The following POU6F2 variants were observed in gnomAD, a reference collection of about 807,000 sequenced individuals.
The protein encoded by POU6F2 is POU class 6 homeobox 2.
Under a neutral mutation model 71.3 loss-of-function variants are expected in POU6F2, and 31 were observed. That is an observed-to-expected ratio of 0.43 (90% CI 0.33 to 0.59). The LOEUF (loss-of-function observed/expected upper bound fraction) is 0.59. Among genes scored for constraint, POU6F2 ranks in the 20% least tolerant of loss-of-function variants. The pLI is 0.04. For missense variants in POU6F2, 783 were observed against 856.8 expected, an observed-to-expected ratio of 0.91 and a Z score of 1.07; for synonymous variants, 347 against 355.7, an observed-to-expected ratio of 0.98 and a Z score of 0.27.
chr7:39,439,616 A>G (rs895513766), intron 7 of POU6F2, among the ~76,000 whole-genome samples: 2 of 152,056 alleles, frequency 1.3e-5, no homozygotes, highest in African/African-American at 4.8e-5. Context: ...CAGCCTCCCG[A>G]GTAGCTGGGA....
chr7:38,988,930 C>T (rs967496467), intron 1 of POU6F2, among the ~76,000 whole-genome samples: 6 of 152,244 alleles, frequency 3.9e-5, no homozygotes, highest in Non-Finnish European at 8.8e-5. Flanking sequence ...TTTACTCCCT[C>T]CCTGACTTCC....
intron 4 of POU6F2, among the ~76,000 whole-genome samples, chr7:39,297,121 A>C (rs1297191385): frequency 3.3e-5 from 5 of 151,380 alleles, no homozygotes; most frequent in African/African-American, 9.7e-5. Flanking sequence ...TCTAATAATA[A>C]TGCTTTTTAA....
rs142571078 is a variant in POU6F2, at chr7:39,267,452, G to A, written c.598+59832G>A. 3.1e-3 allele frequency among the ~76,000 whole-genome samples: 465 copies of A among 152,292 alleles called. 9 individuals carry two copies. Among genetic ancestry groups the A allele is most frequent in the South Asian group, 0.015 (73 of 4,832 alleles). On this transcript the variant is annotated intron_variant, in intron 4 of 9. Transcript: ENST00000518318. ...CCAGGCCCTAGGGAGGCAGCAGGGA[G>A]CCCCGCATCTGTTGCCTGTCACTGA...
At chr7:39,189,189 G>T (rs555938525) in intron 2 of POU6F2, among the ~76,000 whole-genome samples, 1 of 152,244 alleles carries the variant, frequency 6.6e-6, no homozygotes, top group South Asian at 2.1e-4. Flanking sequence ...CACAACATCA[G>T]ACAAGGCCAC....
chr7:39,121,247 C>T (rs562774137), intron 2 of POU6F2, among the ~76,000 whole-genome samples: 8 of 152,306 alleles, frequency 5.3e-5, no homozygotes, highest in African/African-American at 1.2e-4. Context: ...TTAGAATCTC[C>T]GTTTCCTCAT....
intron 5 of POU6F2, among the ~76,000 whole-genome samples, chr7:39,355,578 G>C (rs1418338247): frequency 6.6e-6 from 1 of 152,164 alleles, no homozygotes; most frequent in South Asian, 2.1e-4. Context: ...AGGTATATCA[G>C]TATCCCAACA....
chr7:39,041,353 AT>A (rs1790190292), intron 1 of POU6F2, among the ~76,000 whole-genome samples: 1 of 151,966 alleles, frequency 6.6e-6, no homozygotes, highest in African/African-American at 2.4e-5. Flanking sequence ...TGAAGTTCAG[AT>A]TCTTAGAAGT....
At chr7:39,087,692 T>C (rs1187064094) in intron 2 of POU6F2, among the ~76,000 whole-genome samples, 1 of 152,130 alleles carries the variant, frequency 6.6e-6, no homozygotes, top group Non-Finnish European at 1.5e-5. Flanking sequence ...CAATTTTGAG[T>C]TCAACAAGCT....
chr7:39,285,983 T>C (rs564178714), intron 4 of POU6F2, among the ~76,000 whole-genome samples: 4 of 152,320 alleles, frequency 2.6e-5, no homozygotes, highest in African/African-American at 9.6e-5. Context: ...TGCTGATTGA[T>C]GGAGTGAATT....
At chr7:39,426,974 G>A (rs1333713113) in intron 6 of POU6F2, among the ~76,000 whole-genome samples, 1 of 152,156 alleles carries the variant, frequency 6.6e-6, no homozygotes, top group African/African-American at 2.4e-5. Context: ...ATAAAACAGG[G>A]AAGATTAAAT....
intron 2 of POU6F2, among the ~76,000 whole-genome samples, chr7:39,174,177 T>C (rs534494812): frequency 6.6e-6 from 1 of 152,306 alleles, no homozygotes; most frequent in South Asian, 2.1e-4. Flanking sequence ...CCGGCTGGAA[T>C]CCCAAGTCCT....
chr7:39,099,334 G>A (rs1791522186), intron 2 of POU6F2, among the ~76,000 whole-genome samples: 1 of 152,260 alleles, frequency 6.6e-6, no homozygotes, highest in Non-Finnish European at 1.5e-5. Context: ...CCTGGGGGCA[G>A]CCTGCCTTTG....
intron 2 of POU6F2, among the ~76,000 whole-genome samples, chr7:39,185,919 A>G (rs1452471062): frequency 8.3e-5 from 12 of 145,386 alleles, no homozygotes; most frequent in Admixed American, 6.9e-4. Context: ...GTATATGTAT[A>G]TGTATATTTG....
chr7:39,369,166 C>T (rs1232633675), intron 5 of POU6F2, among the ~76,000 whole-genome samples: 1 of 152,188 alleles, frequency 6.6e-6, no homozygotes, highest in Non-Finnish European at 1.5e-5. Flanking sequence ...GCTACATAAA[C>T]TGCTGGTTGC....
In POU6F2 at chr7:39,348,212, T is replaced by C. The variant is rs1425164420; in HGVS notation, c.972+8197T>C. Reference sequence around the variant, plus strand: ...TCCCAAAGTTGTGGTTTTTAGTATTTGGGTAAAGAAGAAGAATCTTGATGA... The same window carrying C: ...TCCCAAAGTTGTGGTTTTTAGTATTCGGGTAAAGAAGAAGAATCTTGATGA... On this transcript the variant is annotated intron_variant, in intron 5 of 9. Coordinates refer to ENST00000518318, the MANE Select transcript of POU6F2 (RefSeq NM_001370959.1). Among the ~76,000 whole-genome samples the C allele has an allele frequency of 2.8e-5, 3 of 105,684 alleles. No homozygotes were observed. In the East Asian group the frequency reaches 6.0e-4, roughly 21 times the overall value. The allele number at this position is 105,684 out of a possible 152,430, so 69.3% of individuals were successfully genotyped here.
At chr7:39,057,416 A>G (rs1355094352) in intron 1 of POU6F2, among the ~76,000 whole-genome samples, 3 of 151,768 alleles carry the variant, frequency 2.0e-5, no homozygotes, top group Non-Finnish European at 4.4e-5. Context: ...ATCTTTTTCT[A>G]TTTCTTTTTA....
At chr7:39,116,228 T>C (rs1235264471) in intron 2 of POU6F2, among the ~76,000 whole-genome samples, 1 of 151,994 alleles carries the variant, frequency 6.6e-6, no homozygotes, top group East Asian at 1.9e-4. Flanking sequence ...CTATAAAAAA[T>C]TTAAAAATTA....
At chr7:39,309,098 A>G (rs1785105960) in intron 4 of POU6F2, among the ~76,000 whole-genome samples, 1 of 152,232 alleles carries the variant, frequency 6.6e-6, no homozygotes, top group African/African-American at 2.4e-5. Flanking sequence ...CCCCATGTAG[A>G]TAAAAATAAG....
At chr7:39,068,065 A>T (rs959749101) in intron 1 of POU6F2, among the ~76,000 whole-genome samples, 1 of 152,150 alleles carries the variant, frequency 6.6e-6, no homozygotes, top group Non-Finnish European at 1.5e-5. Context: ...TTGTGTGACT[A>T]ATTGGACACA....
Sources: gnomAD v4.1 joint callset for allele counts (sites outside exome capture counted in the v4.1 genomes callset) on GRCh38, gnomAD v4.1.1 for gene constraint, MANE v1.5 for transcripts, NCBI Gene and HGNC (gene_info 2026-07-23, HGNC 2026-07-21) for gene names.